NAV3: variants seen among roughly 807,000 people sequenced by gnomAD.
The protein encoded by NAV3 is pore membrane and/or filament interacting like protein 1.
In NAV3, 87 loss-of-function variants were observed where a neutral mutation model predicts 244.7. The observed-to-expected ratio is 0.36, with a 90% CI of 0.30 to 0.42. NAV3 has a LOEUF of 0.42. Ranked by LOEUF, NAV3 falls within the 20% of genes least tolerant of loss-of-function variation. NAV3 has a pLI of 1.00. For synonymous variants in NAV3, 1,126 were observed against 1,042.2 expected (o/e 1.08, Z -1.55); for missense variants, 2,663 against 2,893.3 (o/e 0.92, Z 1.83).
intron 2 of NAV3, among the ~76,000 whole-genome samples, chr12:77,802,326 C>G (rs1389406810): frequency 6.6e-6 from 1 of 152,132 alleles, no homozygotes; most frequent in Non-Finnish European, 1.5e-5. Flanking sequence ...CTTTCTAAAG[C>G]AATATAATTT....
chr12:77,829,190 C>T (rs574039864), upstream of NAV3, among the ~76,000 whole-genome samples: 1 of 152,234 alleles, frequency 6.6e-6, no homozygotes, highest in Non-Finnish European at 1.5e-5. Flanking sequence ...TTGCCCTGAC[C>T]CTGTACCCAT....
chr12:77,802,927 A>G (rs1871788141), intron 2 of NAV3, among the ~76,000 whole-genome samples: 1 of 152,106 alleles, frequency 6.6e-6, no homozygotes, highest in Non-Finnish European at 1.5e-5. Context: ...TTGGCCTCCC[A>G]AAGTGCTGGG....
chr12:77,875,955 G>T (rs1371113288), intron 1 of NAV3, among the ~76,000 whole-genome samples: 1 of 151,928 alleles, frequency 6.6e-6, no homozygotes, highest in African/African-American at 2.4e-5. Context: ...TGTGGCTCAG[G>T]TCCTCAGCCC....
At chr12:78,201,358 A>C (rs1959679847) in intron 38 of NAV3, among the ~76,000 whole-genome samples, 2 of 151,860 alleles carry the variant, frequency 1.3e-5, no homozygotes, top group South Asian at 4.1e-4. Flanking sequence ...TGTTTTTAGT[A>C]TACTTCATTG....
chr12:77,990,958 C>T (rs1871339263), intron 5 of NAV3, among the ~76,000 whole-genome samples: 1 of 152,134 alleles, frequency 6.6e-6, no homozygotes, highest in African/African-American at 2.4e-5. Context: ...GCTGTTACAA[C>T]ACTTATGGTG....
chr12:77,606,750 A>C (rs2136796742), intron 2 of NAV3, among the ~76,000 whole-genome samples: 1 of 152,250 alleles, frequency 6.6e-6, no homozygotes, highest in East Asian at 1.9e-4. Context: ...AGTTCTTTAC[A>C]TCACATGTCA....
intron 2 of NAV3, among the ~76,000 whole-genome samples, chr12:77,752,895 G>A (rs988769197): frequency 9.9e-5 from 15 of 152,074 alleles, no homozygotes; most frequent in African/African-American, 3.4e-4. Context: ...TGTCAGGTTA[G>A]GGTTCTTTAA....
chr12:77,699,789 C>CTTT (rs35593239), intron 2 of NAV3, among the ~76,000 whole-genome samples: 19 of 143,548 alleles, frequency 1.3e-4, no homozygotes, highest in African/African-American at 3.3e-4. Context: ...TCTGCATGAC[C>CTTT]TTTTTTTTTT....
Position 78,121,967 on chromosome 12 carries a change from A to G in NAV3, c.3777A>G (p.Lys1259=), listed in dbSNP as rs761875582. The G allele has an allele frequency of 6.2e-7, 1 of 1,613,796 alleles. No homozygotes were observed. Among genetic ancestry groups the G allele is most frequent in the African/African-American group, 1.3e-5 (1 of 74,926 alleles). Residue 1259 remains lysine, a synonymous_variant, in exon 16 of 40, where the codon AAA becomes AAG. Coordinates refer to ENST00000397909, the MANE Select transcript of NAV3 (RefSeq NM_001024383.2). ...TGTTTGGTGCCAAGGCAGGTGGCAA[A>G]TCTGCCTCTGCACCTAATACTGAGG... ...RRLFGAKAGG[K]SASAPNTEGV...
At chr12:77,583,291 G>A (rs1217793001) in intron 2 of NAV3, among the ~76,000 whole-genome samples, 3 of 152,162 alleles carry the variant, frequency 2.0e-5, no homozygotes, top group South Asian at 2.1e-4. Flanking sequence ...TGTTAGGTAC[G>A]ATGTAGCAGT....
intron 30 of NAV3, among the ~76,000 whole-genome samples, chr12:78,182,155 T>C (rs7298035): frequency 0.013 from 1,972 of 152,168 alleles, 35 homozygotes; most frequent in African/African-American, 0.045. Context: ...AATGAACTTA[T>C]AGATCATTAG....
intron 3 of NAV3, among the ~76,000 whole-genome samples, chr12:77,960,687 A>T (rs1891823926): frequency 6.8e-6 from 1 of 147,716 alleles, no homozygotes; most frequent in Non-Finnish European, 1.5e-5. Context: ...CATATATAGT[A>T]ATATATAATT....
intron 12 of NAV3, among the ~76,000 whole-genome samples, chr12:78,067,868 T>C (rs562527134): frequency 3.9e-5 from 6 of 152,208 alleles, no homozygotes; most frequent in Non-Finnish European, 7.4e-5. Context: ...AGGACTCTTA[T>C]TGATGTATAA....
chr12:78,210,696 G>A lies in NAV3; in HGVS notation c.*179G>A. On this transcript the variant is annotated 3_prime_UTR_variant, in exon 40 of 40. Transcript: ENST00000397909. ...ACCGCCAAGATGCTAAATTGCAATGGAAGCTTAACTTTAGTTTATTTCTAA... is the reference window on the plus strand; with the variant it reads ...ACCGCCAAGATGCTAAATTGCAATGAAAGCTTAACTTTAGTTTATTTCTAA... 4 of 654,822 alleles carry A rather than the reference G, an allele frequency of 6.1e-6. No homozygotes were observed. The highest frequency in any genetic ancestry group is 5.2e-6 in the Non-Finnish European group (2 of 384,740). 40.6% of individuals were successfully genotyped at this position (654,822 alleles called of 1,614,324 possible).
chr12:78,197,538 TATTG>T (rs1198447090), intron 35 of NAV3, 137 bp downstream of exon 35: 4 of 577,968 alleles, frequency 6.9e-6, no homozygotes, highest in African/African-American at 1.9e-5. Context: ...AAACTGTACA[TATTG>T]ATTGTGTACA....
chr12:77,609,193 A>C (rs1478190079), intron 2 of NAV3, among the ~76,000 whole-genome samples: 2 of 152,042 alleles, frequency 1.3e-5, no homozygotes, highest in Non-Finnish European at 2.9e-5. Context: ...TGCTTCAATT[A>C]AAGAATCAAA....
upstream of NAV3, among the ~76,000 whole-genome samples, chr12:77,827,296 A>G (rs1018291355): frequency 6.6e-6 from 1 of 150,924 alleles, no homozygotes; most frequent in Non-Finnish European, 1.5e-5. Flanking sequence ...AGCAAATATC[A>G]GAGTTGACTA....
At chr12:77,573,010 G>T (rs1285501653) in intron 2 of NAV3, among the ~76,000 whole-genome samples, 3 of 152,158 alleles carry the variant, frequency 2.0e-5, no homozygotes, top group African/African-American at 7.2e-5. Context: ...AGGAGAGAGA[G>T]CCCCACTCGT....
chr12:77,877,499 T>G (rs1264206596), intron 1 of NAV3, among the ~76,000 whole-genome samples: 2 of 152,124 alleles, frequency 1.3e-5, no homozygotes, highest in East Asian at 3.9e-4. Flanking sequence ...TGACTGGATA[T>G]AAAAAAGTAG....
Sources: allele counts gnomAD v4.1 joint callset (sites outside exome capture counted in the v4.1 genomes callset), GRCh38; gene constraint gnomAD v4.1.1; transcripts MANE v1.5; gene names NCBI Gene and HGNC (gene_info 2026-07-23, HGNC 2026-07-21).